The following HEMK2 variants were observed in gnomAD, a reference collection of about 807,000 sequenced individuals.
The protein encoded by HEMK2 is methyltransferase HEMK2.
At chr21:28,871,711 C>G in the HEMK2 span, among the ~76,000 whole-genome samples, 1 of 152,142 alleles carries the variant, frequency 6.6e-6, no homozygotes, top group Non-Finnish European at 1.5e-5. Flanking sequence ...CATTCTCTCA[C>G]AGTTCTTGAG....
chr21:28,667,565 A>C, the HEMK2 span, among the ~76,000 whole-genome samples: 1 of 145,684 alleles, frequency 6.9e-6, no homozygotes, highest in African/African-American at 2.6e-5. Context: ...TTGTTTCATG[A>C]TGTGATTATT....
the HEMK2 span, among the ~76,000 whole-genome samples, chr21:28,795,689 T>C: frequency 1.3e-5 from 2 of 152,156 alleles, no homozygotes; most frequent in African/African-American, 4.8e-5. Context: ...ATCCCAATCA[T>C]GATGATTCAT....
chr21:28,660,749 C>T, the HEMK2 span, among the ~76,000 whole-genome samples: 1 of 151,902 alleles, frequency 6.6e-6, no homozygotes, highest in Non-Finnish European at 1.5e-5. Context: ...GTTTGGAGAA[C>T]ATCATAAAAT....
chr21:28,603,545 A>ATGTGTGTGTGTG, the HEMK2 span, among the ~76,000 whole-genome samples: 1 of 95,548 alleles, frequency 1.0e-5, no homozygotes, highest in Non-Finnish European at 2.1e-5. Context: ...TACTGAGGAT[A>ATGTGTGTGTGTG]TATATGTGTG....
chr21:28,590,450 T>C, the HEMK2 span, among the ~76,000 whole-genome samples: 1 of 152,114 alleles, frequency 6.6e-6, no homozygotes, highest in East Asian at 1.9e-4. Context: ...AAAATTAATA[T>C]CTTGATCATG....
chr21:28,883,998 T>C, the HEMK2 span, among the ~76,000 whole-genome samples: 1 of 152,208 alleles, frequency 6.6e-6, no homozygotes, highest in Non-Finnish European at 1.5e-5. Flanking sequence ...AACTACCCAG[T>C]GACAAGCTCC....
chr21:28,885,064 AT>A, the HEMK2 span: 1 of 1,233,878 alleles, frequency 8.1e-7, no homozygotes, highest in Middle Eastern at 2.2e-4. Flanking sequence ...AAAATTCTCA[AT>A]TACGGCGTCC....
the HEMK2 span, among the ~76,000 whole-genome samples, chr21:28,850,830 C>T: frequency 6.6e-6 from 1 of 152,124 alleles, no homozygotes; most frequent in Non-Finnish European, 1.5e-5. Flanking sequence ...CCCTTGTCTT[C>T]TCTTCCTCTA....
the HEMK2 span, among the ~76,000 whole-genome samples, chr21:28,633,485 G>C: frequency 6.6e-6 from 1 of 152,158 alleles, no homozygotes; most frequent in African/African-American, 2.4e-5. Flanking sequence ...GGGAATAGAA[G>C]AGACTGAACA....
At chr21:28,803,961 T>C in the HEMK2 span, among the ~76,000 whole-genome samples, 3 of 152,362 alleles carry the variant, frequency 2.0e-5, no homozygotes, top group Admixed American at 6.5e-5. Context: ...CTTGTTACAG[T>C]TGCAGTTATC....
At chr21:28,877,221 G>A in the HEMK2 span, among the ~76,000 whole-genome samples, 1 of 129,214 alleles carries the variant, frequency 7.7e-6, no homozygotes, top group East Asian at 2.5e-4. Flanking sequence ...GAGAAAGGAA[G>A]GGAAGGAAGG....
At chr21:28,591,694 CT>C in the HEMK2 span, among the ~76,000 whole-genome samples, 6 of 152,218 alleles carry the variant, frequency 3.9e-5, no homozygotes, top group Non-Finnish European at 8.8e-5. Context: ...GATCCTCTCC[CT>C]TTTCCCACCC....
the HEMK2 span, among the ~76,000 whole-genome samples, chr21:28,660,823 C>T: frequency 2.4e-4 from 37 of 152,056 alleles, no homozygotes; most frequent in Non-Finnish European, 3.5e-4. Flanking sequence ...GGCCATTAAG[C>T]CTTTTTAAAA....
chr21:28,809,909 C>A, the HEMK2 span, among the ~76,000 whole-genome samples: 1 of 152,120 alleles, frequency 6.6e-6, no homozygotes, highest in African/African-American at 2.4e-5. Flanking sequence ...TGATCCAAAC[C>A]TTGTAAGGTT....
At chr21:28,697,733 G>C in the HEMK2 span, among the ~76,000 whole-genome samples, 9 of 127,086 alleles carry the variant, frequency 7.1e-5, no homozygotes, top group South Asian at 1.3e-3. Flanking sequence ...ATCAAAAACA[G>C]ATGCTGTCTC....
the HEMK2 span, among the ~76,000 whole-genome samples, chr21:28,860,255 T>C: frequency 6.6e-6 from 1 of 151,756 alleles, no homozygotes; most frequent in Admixed American, 6.6e-5. Flanking sequence ...GGCAGAAAAA[T>C]AAAAGGAGAG....
the HEMK2 span, among the ~76,000 whole-genome samples, chr21:28,858,893 G>A: frequency 9.7e-4 from 148 of 152,260 alleles, no homozygotes; most frequent in African/African-American, 3.4e-3. Flanking sequence ...GTACATGGCT[G>A]ATATACTCTG....
At chr21:28,696,106 G>A in the HEMK2 span, among the ~76,000 whole-genome samples, 1 of 148,230 alleles carries the variant, frequency 6.7e-6, no homozygotes, top group Non-Finnish European at 1.5e-5. Flanking sequence ...AAGTGAAAGG[G>A]GTTTCCCCTT....
chr21:28,575,720 GAC>G, the HEMK2 span, among the ~76,000 whole-genome samples: 3 of 152,110 alleles, frequency 2.0e-5, no homozygotes, highest in Admixed American at 2.0e-4. Flanking sequence ...ACCCAATGAA[GAC>G]ACAGACATTT....
Sources: allele counts gnomAD v4.1 joint callset (sites outside exome capture counted in the v4.1 genomes callset), GRCh38; gene constraint gnomAD v4.1.1; transcripts MANE v1.5; gene names NCBI Gene and HGNC (gene_info 2026-07-23, HGNC 2026-07-21).